Variants in CACNA2D1 observed in about 807,000 individuals in gnomAD.
CACNA2D1 encodes voltage-dependent calcium channel subunit alpha-2/delta-1.
In CACNA2D1, 53 loss-of-function variants were observed where a neutral mutation model predicts 171.5. The ratio of observed to expected loss-of-function variants is 0.31; its 90% confidence interval spans 0.25 to 0.39. CACNA2D1 has a LOEUF of 0.39. Ranked by LOEUF, CACNA2D1 falls within the 10% of genes least tolerant of loss-of-function variation. CACNA2D1 has a pLI of 1.00. For missense variants in CACNA2D1, 903 were observed against 1,299.8 expected (o/e 0.69, Z 4.69); for synonymous variants, 442 against 443.1 (o/e 1.00, Z 0.03).
intron 7 of CACNA2D1, among the ~76,000 whole-genome samples, chr7:82,079,129 A>C (rs1454525890): frequency 6.6e-6 from 1 of 152,202 alleles, no homozygotes; most frequent in Non-Finnish European, 1.5e-5. Flanking sequence ...ACTGGAAGTC[A>C]GTGTTTCTAT....
At chr7:82,014,243 G>C (rs561218388) in intron 13 of CACNA2D1, among the ~76,000 whole-genome samples, 158 bp downstream of exon 13, 111 of 152,126 alleles carry the variant, frequency 7.3e-4, no homozygotes, top group African/African-American at 2.5e-3. Context: ...GTCAAAATTG[G>C]TATGTGTTTT....
chr7:82,217,394 C>CATATATATATATATATAT (rs6150191), intron 3 of CACNA2D1, among the ~76,000 whole-genome samples: 1,352 of 102,010 alleles, frequency 0.013, 86 homozygotes, highest in African/African-American at 0.027. Flanking sequence ...CACACACATA[C>CATATATATATATATATAT]ATATATATAT....
intron 7 of CACNA2D1, among the ~76,000 whole-genome samples, chr7:82,074,039 A>G (rs750794094): frequency 2.0e-5 from 3 of 152,234 alleles, no homozygotes; most frequent in Non-Finnish European, 2.9e-5. Flanking sequence ...TGGAGAAAAT[A>G]TAATACAGGG....
At chr7:81,989,583 AC>A (rs1797323949) in intron 21 of CACNA2D1, among the ~76,000 whole-genome samples, 1 of 152,196 alleles carries the variant, frequency 6.6e-6, no homozygotes, top group Admixed American at 6.5e-5. Context: ...TCCTAAAATT[AC>A]AGGATTATGG....
intron 38 of CACNA2D1, among the ~76,000 whole-genome samples, chr7:81,952,716 TTTC>T (rs920524761): frequency 1.3e-5 from 2 of 152,104 alleles, no homozygotes; most frequent in African/African-American, 4.8e-5. Flanking sequence ...TTCTCTCTCC[TTTC>T]TTCTTCTTCC....
At chr7:82,220,405 T>C (rs777488270) in intron 3 of CACNA2D1, among the ~76,000 whole-genome samples, 2 of 152,198 alleles carry the variant, frequency 1.3e-5, no homozygotes, top group Non-Finnish European at 2.9e-5. Context: ...CTTTATGTTA[T>C]AGATGACAAT....
chr7:82,353,282 G>A (rs952933779), intron 1 of CACNA2D1, among the ~76,000 whole-genome samples: 3 of 152,136 alleles, frequency 2.0e-5, no homozygotes, highest in African/African-American at 7.2e-5. Context: ...GAAAGTGAAG[G>A]AGAGGAAGAA....
chr7:82,163,343 C>T (rs1795128339), intron 4 of CACNA2D1, among the ~76,000 whole-genome samples: 1 of 151,942 alleles, frequency 6.6e-6, no homozygotes, highest in Non-Finnish European at 1.5e-5. Context: ...AGCAATAGGT[C>T]CCCTCTAGGC....
intron 1 of CACNA2D1, among the ~76,000 whole-genome samples, chr7:82,402,418 A>C (rs1826527287): frequency 6.6e-6 from 1 of 152,154 alleles, no homozygotes; most frequent in Non-Finnish European, 1.5e-5. Flanking sequence ...ACTTGAAAAA[A>C]TCTGTTGAAG....
intron 11 of CACNA2D1, 123 bp downstream of exon 11, chr7:82,037,954 T>G: frequency 1.1e-6 from 1 of 934,504 alleles, no homozygotes; most frequent in Non-Finnish European, 1.7e-6. Flanking sequence ...TGCACACATC[T>G]GTGTTTTAAA....
At chr7:82,394,120 G>C (rs376985258) in intron 1 of CACNA2D1, among the ~76,000 whole-genome samples, 5 of 152,166 alleles carry the variant, frequency 3.3e-5, no homozygotes, top group Non-Finnish European at 5.9e-5. Context: ...GGACTCAAAG[G>C]AGGGTTTTAT....
intron 1 of CACNA2D1, among the ~76,000 whole-genome samples, chr7:82,438,701 A>G (rs1253469533): frequency 6.6e-6 from 1 of 152,180 alleles, no homozygotes; most frequent in Non-Finnish European, 1.5e-5. Context: ...CATGAAAAGA[A>G]AGACTGGTTG....
At chr7:82,443,080 T>A (rs1246251531) in intron 1 of CACNA2D1, among the ~76,000 whole-genome samples, 2 of 152,184 alleles carry the variant, frequency 1.3e-5, no homozygotes, top group Non-Finnish European at 2.9e-5. Context: ...GAGAATCCCG[T>A]TAGAGACGGG....
chr7:82,264,525 T>C (rs998413361), intron 3 of CACNA2D1, among the ~76,000 whole-genome samples: 2 of 152,214 alleles, frequency 1.3e-5, no homozygotes, highest in Non-Finnish European at 2.9e-5. Flanking sequence ...AGCAGCTTAG[T>C]GTCAGCTCTG....
At chr7:82,396,809 T>C (rs372738147) in intron 1 of CACNA2D1, among the ~76,000 whole-genome samples, 14 of 152,290 alleles carry the variant, frequency 9.2e-5, no homozygotes, top group Middle Eastern at 3.4e-3. Flanking sequence ...ATAATAAGCA[T>C]GGAAGAAATC....
At chr7:82,378,207 G>A (rs926580399) in intron 1 of CACNA2D1, among the ~76,000 whole-genome samples, 1 of 152,094 alleles carries the variant, frequency 6.6e-6, no homozygotes, top group Non-Finnish European at 1.5e-5. Flanking sequence ...AGACCATCCT[G>A]GGCAACATTG....
At chr7:82,170,965 A>G (rs1486270826) in intron 3 of CACNA2D1, among the ~76,000 whole-genome samples, 1 of 152,066 alleles carries the variant, frequency 6.6e-6, no homozygotes, top group East Asian at 1.9e-4. Context: ...TTTAGTAAAT[A>G]CCTTTGGAGC....
intron 1 of CACNA2D1, among the ~76,000 whole-genome samples, chr7:82,366,110 C>A (rs1157631540): frequency 6.6e-6 from 1 of 152,174 alleles, no homozygotes; most frequent in African/African-American, 2.4e-5. Flanking sequence ...GATATATAGG[C>A]CCATATACTC....
Position 82,297,072 on chromosome 7 carries a change from C to CAAAAAAAAAAAAAAAAAAAAAAAAAAAAA in CACNA2D1, c.294+38062_294+38063insTTTTTTTTTTTTTTTTTTTTTTTTTTTTT, listed in dbSNP as rs57473351. ...AAACATAGTGAGGCTCTGTGTCTAC[C>CAAAAAAAAAAAAAAAAAAAAAAAAAAAAA]AAAAAAAAAAAAAAAAAAAAAAAAA... On this transcript the variant is annotated intron_variant, in intron 3 of 38. Coordinates refer to ENST00000356860, the MANE Select transcript of CACNA2D1 (RefSeq NM_000722.4). Among the ~76,000 whole-genome samples, 26 of 72,228 alleles carry CAAAAAAAAAAAAAAAAAAAAAAAAAAAAA rather than the reference C, an allele frequency of 3.6e-4. 2 individuals carry two copies. The highest frequency in any genetic ancestry group is 4.9e-4 in the Non-Finnish European group (20 of 40,432). 47.4% of individuals were successfully genotyped at this position (72,228 alleles called of 152,430 possible).
Sources: gnomAD v4.1 joint callset for allele counts (sites outside exome capture counted in the v4.1 genomes callset) on GRCh38, gnomAD v4.1.1 for gene constraint, MANE v1.5 for transcripts, NCBI Gene and HGNC (gene_info 2026-07-23, HGNC 2026-07-21) for gene names.